The following TRIM33 variants were observed in gnomAD, a reference collection of about 807,000 sequenced individuals.
The protein encoded by TRIM33 is E3 ubiquitin-protein ligase TRIM33.
A neutral mutation model predicts 125.4 loss-of-function variants in TRIM33; 20 were observed. The ratio of observed to expected loss-of-function variants is 0.16; its 90% CI spans 0.11 to 0.23. TRIM33 has a LOEUF of 0.23. TRIM33 is among the 10% of genes least tolerant of loss of function. The pLI is 1.00. For synonymous variants in TRIM33, 564 were observed against 513.9 expected (o/e 1.10, Z -1.32); for missense variants, 920 against 1,411.4 (o/e 0.65, Z 5.58).
rs980959154 is a variant in TRIM33, at chr1:114,427,683, C to T, written c.1302+65G>A. 2.4e-5 allele frequency: 35 copies of T among 1,473,150 alleles called. No homozygotes were observed. The African/African-American group carries it at 4.1e-4, about 17-fold the overall frequency. 91.3% of individuals were successfully genotyped at this position (1,473,150 alleles called of 1,614,324 possible). A position where few individuals can be genotyped will look rare whatever the true frequency, so the allele number is the denominator to read the frequency against. The stretch of plus-strand genomic sequence containing the variant: ...TTAAAATGTATACTTTAAACAGGTG[C>T]AATTCACTGAATATATATCTTAATA... On this transcript the variant is annotated intron_variant, in intron 7 of 19. Transcript: ENST00000358465.
chr1:114,407,259 T>C (rs1399364540), intron 13 of TRIM33, among the ~76,000 whole-genome samples, 159 bp from the exon 14 acceptor site: 3 of 152,214 alleles, frequency 2.0e-5, no homozygotes, highest in East Asian at 1.9e-4. Context: ...GAATGTGGTA[T>C]AAAGCCTAGC....
chr1:114,397,287 G>C lies in TRIM33; in HGVS notation c.*361C>G, dbSNP rs770631438. The C allele has an allele frequency of 7.1e-6, 2 of 280,822 alleles. No homozygotes were observed. Among genetic ancestry groups the C allele is most frequent in the Non-Finnish European group, 1.4e-5 (2 of 148,022 alleles). The allele number at this position is 280,822 out of a possible 1,614,324, so 17.4% of individuals were successfully genotyped here. A position where few individuals can be genotyped will look rare whatever the true frequency, so the allele number is the denominator to read the frequency against. ...AAAGAAAATTTATCAAGTGACACGA[G>C]TCTCAAGTATTTACTCGTATACCAA... is the stretch of plus-strand genomic sequence containing the variant. On this transcript the variant is annotated 3_prime_UTR_variant, in exon 20 of 20. Transcript: ENST00000358465.
At chr1:114,419,445 A>G (rs1354820643) in intron 11 of TRIM33, among the ~76,000 whole-genome samples, 1 of 152,186 alleles carries the variant, frequency 6.6e-6, no homozygotes, top group Admixed American at 6.5e-5. Flanking sequence ...TTATCCATAA[A>G]ACAGGGATAT....
At chr1:114,493,678 C>CT (rs140341569) in intron 1 of TRIM33, among the ~76,000 whole-genome samples, 9,002 of 152,150 alleles carry the variant, frequency 0.059, 365 homozygotes, top group Non-Finnish European at 0.09. Context: ...TACCAACATC[C>CT]TTTTTTTGTT....
At position 114,397,589 on chromosome 1, in the gene TRIM33, G is replaced by GTTTTTTTTTTTTTTTTTTGTT; in HGVS notation, c.*58_*59insAACAAAAAAAAAAAAAAAAAA. On this transcript the variant is annotated 3_prime_UTR_variant, in exon 20 of 20. Coordinates refer to ENST00000358465, the MANE Select transcript of TRIM33 (RefSeq NM_015906.4). The stretch of plus-strand genomic sequence containing the variant: ...CTTAAAAGTTTTCTGGGTTTTTTGT[G>GTTTTTTTTTTTTTTTTTTGTT]TTTTTTTTTTTTTTTTCGTTTTTTT... 5 of 637,680 alleles carry GTTTTTTTTTTTTTTTTTTGTT rather than the reference G, an allele frequency of 7.8e-6. No individual in the cohort carries two copies. Among genetic ancestry groups the GTTTTTTTTTTTTTTTTTTGTT allele is most frequent in the Middle Eastern group, 5.5e-4 (1 of 1,826 alleles). The allele number at this position is 637,680 out of a possible 1,614,324, so 39.5% of individuals were successfully genotyped here.
intron 1 of TRIM33, among the ~76,000 whole-genome samples, chr1:114,473,256 C>CAAAA (rs35627159): frequency 9.4e-6 from 1 of 106,296 alleles, no homozygotes; most frequent in Admixed American, 1.0e-4. Context: ...GACTCTGTCT[C>CAAAA]AAAAAAAAAA....
chr1:114,431,242 T>A (rs898091560), intron 5 of TRIM33, among the ~76,000 whole-genome samples: 1 of 152,246 alleles, frequency 6.6e-6, no homozygotes, highest in African/African-American at 2.4e-5. Flanking sequence ...ATGTGGCACA[T>A]TGGTTCTGTT....
In TRIM33 at chr1:114,421,523, G is replaced by A; in HGVS notation, c.1974C>T (p.Thr658=). The part of the protein sequence containing the change: ...ATMANANRGP[T]SPSVTAIELI... ...GCTCTATTGCTGTAACAGATGGGCT[G>A]GTGGGACCTCGGTTTGCATTTGCCA... The change falls in exon 11 of 20, where the codon ACC becomes ACT. Residue 658 remains threonine, a synonymous_variant. Transcript: ENST00000358465. 1 of 1,614,118 alleles carries A rather than the reference G, an allele frequency of 6.2e-7. No individual in the cohort carries two copies. Among genetic ancestry groups the A allele is most frequent in the Non-Finnish European group, 8.5e-7 (1 of 1,180,024 alleles).
chr1:114,478,790 G>A (rs987725932), intron 1 of TRIM33, among the ~76,000 whole-genome samples: 14 of 152,230 alleles, frequency 9.2e-5, no homozygotes, highest in African/African-American at 2.7e-4. Flanking sequence ...GCTCACTCCT[G>A]TAATCCCAGC....
At chr1:114,468,227 G>A (rs1292927279) in intron 1 of TRIM33, 1 of 222,458 alleles carries the variant, frequency 4.5e-6, no homozygotes, top group Non-Finnish European at 8.8e-6. Flanking sequence ...AGTGGTGTGA[G>A]AGGTAACAGC....
chr1:114,426,522 T>TA lies in TRIM33; in HGVS notation c.1420+654dup, dbSNP rs67267317. 2.6e-4 allele frequency among the ~76,000 whole-genome samples: 37 copies of TA among 143,588 alleles called. No individual in the cohort carries two copies. The East Asian group carries it at 5.7e-3, about 22-fold the overall frequency. The allele number at this position is 143,588 out of a possible 152,430, so 94.2% of individuals were successfully genotyped here. A position where few individuals can be genotyped will look rare whatever the true frequency, so the allele number is the denominator to read the frequency against. On this transcript the variant is annotated intron_variant, in intron 8 of 19. Transcript: ENST00000358465. ...GCAAAGATTACTTTTTTTTTTTTTTTAAAAAAAAAGGGCAACCAGCCTCTG... is the reference window on the plus strand; with the variant it reads ...GCAAAGATTACTTTTTTTTTTTTTTTAAAAAAAAAAGGGCAACCAGCCTCTG...
intron 10 of TRIM33, among the ~76,000 whole-genome samples, chr1:114,423,213 T>A (rs1260269493): frequency 6.6e-6 from 1 of 152,128 alleles, no homozygotes; most frequent in African/African-American, 2.4e-5. Context: ...AAGTTTCAAA[T>A]CTTAATAATA....
Position 114,494,926 on chromosome 1 carries a change from G to C in TRIM33, c.526+15625C>G, listed in dbSNP as rs1453462453. Among the ~76,000 whole-genome samples, 4 of 152,108 alleles carry C rather than the reference G, an allele frequency of 2.6e-5. No individual in the cohort carries two copies. The East Asian group carries it at 7.7e-4, about 29-fold the overall frequency. On this transcript the variant is annotated intron_variant, in intron 1 of 19. Coordinates refer to ENST00000358465, the MANE Select transcript of TRIM33 (RefSeq NM_015906.4). ...GAATAGAGTAGTTGTTGTTGTTGTT[G>C]TTATTGTTAGGCAGTCTCACTCTCT...
intron 17 of TRIM33, among the ~76,000 whole-genome samples, chr1:114,401,185 C>T (rs563006302): frequency 1.3e-5 from 2 of 152,096 alleles, no homozygotes; most frequent in African/African-American, 2.4e-5. Flanking sequence ...TACAGGTGCC[C>T]GCCACCGTGC....
In TRIM33 at chr1:114,394,220, C is replaced by T. The variant is rs1651424170; in HGVS notation, c.*3428G>A. 1 of 229,158 alleles carries T rather than the reference C, an allele frequency of 4.4e-6. No individual in the cohort carries two copies. Among genetic ancestry groups the T allele is most frequent in the Admixed American group, 5.7e-5 (1 of 17,634 alleles). 14.2% of individuals were successfully genotyped at this position (229,158 alleles called of 1,614,324 possible). A position where few individuals can be genotyped will look rare whatever the true frequency, so the allele number is the denominator to read the frequency against. On this transcript the variant is annotated 3_prime_UTR_variant, in exon 20 of 20. Coordinates refer to ENST00000358465, the MANE Select transcript of TRIM33 (RefSeq NM_015906.4). ...ATGCTGAGTATGCAAATAAGCAGTG[C>T]TGATTTTGACAAGAAATGAGATTTT... is the stretch of plus-strand genomic sequence containing the variant.
intron 4 of TRIM33, among the ~76,000 whole-genome samples, chr1:114,438,323 A>C (rs1338129529): frequency 6.6e-6 from 1 of 152,210 alleles, no homozygotes; most frequent in Non-Finnish European, 1.5e-5. Context: ...ATTTTTCTTC[A>C]GTTATTCCAT....
At chr1:114,457,280 C>T (rs898394269) in intron 4 of TRIM33, among the ~76,000 whole-genome samples, 4 of 152,162 alleles carry the variant, frequency 2.6e-5, no homozygotes, top group East Asian at 1.9e-4. Flanking sequence ...GAAGTGTCAG[C>T]CACACATACT....
chr1:114,475,167 T>C (rs1650903341), intron 1 of TRIM33, among the ~76,000 whole-genome samples: 1 of 152,082 alleles, frequency 6.6e-6, no homozygotes, highest in South Asian at 2.1e-4. Flanking sequence ...TCACTACCTG[T>C]GGGACAATTA....
chr1:114,448,621 G>A (rs186113111), intron 4 of TRIM33, among the ~76,000 whole-genome samples: 85 of 152,272 alleles, frequency 5.6e-4, no homozygotes, highest in Admixed American at 4.1e-3. Context: ...GGATATGGGA[G>A]TCAAGGCTAA....
Sources: allele counts gnomAD v4.1 joint callset (sites outside exome capture counted in the v4.1 genomes callset), GRCh38; gene constraint gnomAD v4.1.1; transcripts MANE v1.5; gene names NCBI Gene and HGNC (gene_info 2026-07-23, HGNC 2026-07-21).